Variants in TBC1D4 observed in about 807,000 individuals in gnomAD.
The protein encoded by TBC1D4 is TBC1 domain family member 4, also known as TBC (Tre-2, BUB2, CDC16) domain-containing protein.
TBC1D4 carries 121 observed loss-of-function variants against 142.5 expected under a neutral mutation model. The observed-to-expected ratio is 0.85, with a 90% CI of 0.73 to 0.99. TBC1D4 has a LOEUF of 0.99. TBC1D4 is among the 50% of genes least tolerant of loss of function. The pLI is 0.00. For synonymous variants in TBC1D4, 630 were observed against 628.2 expected (o/e 1.00, Z -0.04); for missense variants, 1,475 against 1,606.6 (o/e 0.92, Z 1.40).
intron 9 of TBC1D4, among the ~76,000 whole-genome samples, chr13:75,327,508 A>G (rs936208923): frequency 1.3e-5 from 2 of 152,228 alleles, no homozygotes; most frequent in Admixed American, 1.3e-4. Flanking sequence ...TTGCTCAAAT[A>G]CTGTTGTCCA....
rs1883718060 is a variant in TBC1D4 at position 75,379,885 on chromosome 13, C to CTTTTTTTTTTTTTTTTTTTTTTTTTTTTT, written c.499-17279_499-17278insAAAAAAAAAAAAAAAAAAAAAAAAAAAAA. 6.1e-5 allele frequency among the ~76,000 whole-genome samples: 6 copies of CTTTTTTTTTTTTTTTTTTTTTTTTTTTTT among 98,536 alleles called. 3 individuals are homozygous for CTTTTTTTTTTTTTTTTTTTTTTTTTTTTT. The highest frequency in any genetic ancestry group is 7.2e-5 in the African/African-American group (2 of 27,814). The allele number at this position is 98,536 out of a possible 152,430, so 64.6% of individuals were successfully genotyped here. On this transcript the variant is annotated intron_variant, in intron 1 of 20. Coordinates refer to ENST00000377636, the MANE Select transcript of TBC1D4 (RefSeq NM_014832.5). Reference sequence around the variant, plus strand: ...AAGTATATCAGTTTTGTTCATCTGACTCTTTTTTTTTTTTTTTTTTTTTTT... The same window carrying CTTTTTTTTTTTTTTTTTTTTTTTTTTTTT: ...AAGTATATCAGTTTTGTTCATCTGACTTTTTTTTTTTTTTTTTTTTTTTTTTTTTTCTTTTTTTTTTTTTTTTTTTTTTT...
At chr13:75,312,685 A>T (rs1877894837) in intron 13 of TBC1D4, 53 bp downstream of exon 13, 1 of 1,609,536 alleles carries the variant, frequency 6.2e-7, no homozygotes, top group African/African-American at 1.3e-5. Flanking sequence ...GCATTCCATT[A>T]GCTAATTTCT....
chr13:75,341,094 A>C (rs569258192), intron 7 of TBC1D4, 31 bp downstream of exon 7: 2 of 1,580,050 alleles, frequency 1.3e-6, no homozygotes, highest in Admixed American at 1.7e-5. Flanking sequence ...AACAACAACA[A>C]AAGTAGGTGA....
Position 75,481,614 on chromosome 13 carries a change from G to C in TBC1D4, c.154C>G (p.Leu52Val), listed in dbSNP as rs1352703515. The C allele has an allele frequency of 7.5e-6, 12 of 1,608,634 alleles. No individual in the cohort carries two copies. Among genetic ancestry groups the C allele is most frequent in the Non-Finnish European group, 1.0e-5 (12 of 1,177,940 alleles). Residue 52 changes from leucine (L) to valine (V), a missense_variant, in exon 1 of 21, where the codon CTG (leucine) becomes GTG (valine). Physicochemically the swap from Leu to Val is conservative, Grantham distance 32. Transcript: ENST00000377636. The stretch of plus-strand genomic sequence containing the variant: ...GCCATGAGCCAGGGCAGCATAGGCA[G>C]CGTGGTCCTGTGGTCCAGGCACGAC... Reference protein sequence around the residue: ...GGSCLDHRTTLPMLPWLMAEI... With the variant: ...GGSCLDHRTTVPMLPWLMAEI...
At chr13:75,467,965 TC>T (rs1405224924) in intron 1 of TBC1D4, among the ~76,000 whole-genome samples, 1 of 152,232 alleles carries the variant, frequency 6.6e-6, no homozygotes, top group Non-Finnish European at 1.5e-5. Context: ...CAGTTTTTTT[TC>T]TTACTCTTCT....
chr13:75,383,152 T>C (rs888239459), intron 1 of TBC1D4, among the ~76,000 whole-genome samples: 6 of 152,108 alleles, frequency 3.9e-5, no homozygotes, highest in Admixed American at 2.6e-4. Flanking sequence ...TGAAATCCCA[T>C]CTCTACCAAA....
chr13:75,348,113 C>T (rs1278567821), intron 5 of TBC1D4, among the ~76,000 whole-genome samples: 1 of 152,004 alleles, frequency 6.6e-6, no homozygotes, highest in Non-Finnish European at 1.5e-5. Flanking sequence ...TGAAATCCAG[C>T]CTGGGCAACA....
At chr13:75,466,580 A>G (rs537134407) in intron 1 of TBC1D4, among the ~76,000 whole-genome samples, 158 of 152,308 alleles carry the variant, frequency 1.0e-3, no homozygotes, top group Middle Eastern at 3.4e-3. Flanking sequence ...TTTTAAAAAT[A>G]TATCATCTGA....
chr13:75,378,405 C>G (rs1339132298), intron 1 of TBC1D4, among the ~76,000 whole-genome samples: 1 of 151,962 alleles, frequency 6.6e-6, no homozygotes, highest in East Asian at 1.9e-4. Context: ...AAACAAAGAT[C>G]ACTGAACTAA....
chr13:75,330,479 T>A (rs1321318441), intron 8 of TBC1D4, among the ~76,000 whole-genome samples: 1 of 152,244 alleles, frequency 6.6e-6, no homozygotes, highest in Non-Finnish European at 1.5e-5. Flanking sequence ...TACACTGCAT[T>A]AGCTCACTTA....
intron 1 of TBC1D4, among the ~76,000 whole-genome samples, chr13:75,377,767 C>A (rs1032210415): frequency 1.3e-5 from 2 of 149,032 alleles, no homozygotes; most frequent in African/African-American, 4.9e-5. Flanking sequence ...TCTATCTATC[C>A]ATTTATCTAT....
intron 1 of TBC1D4, among the ~76,000 whole-genome samples, chr13:75,461,966 CCT>C: frequency 6.6e-6 from 1 of 152,294 alleles, no homozygotes. Context: ...ATCACTTAAA[CCT>C]CTTATTCCCA....
intron 19 of TBC1D4, among the ~76,000 whole-genome samples, chr13:75,290,004 A>AGG (rs1270392050): frequency 6.6e-6 from 1 of 152,208 alleles, no homozygotes; most frequent in African/African-American, 2.4e-5. Context: ...TCAAATAACC[A>AGG]TCATCTTTTC....
intron 14 of TBC1D4, among the ~76,000 whole-genome samples, chr13:75,308,192 T>G (rs1377431754): frequency 6.6e-6 from 1 of 152,258 alleles, no homozygotes; most frequent in Non-Finnish European, 1.5e-5. Flanking sequence ...ATCTTTGTTA[T>G]GTAGGCAGAG....
chr13:75,423,691 T>C (rs1323938997), intron 1 of TBC1D4, among the ~76,000 whole-genome samples: 1 of 152,248 alleles, frequency 6.6e-6, no homozygotes, highest in East Asian at 1.9e-4. Flanking sequence ...AGAGTAACTC[T>C]GCAGCTACTT....
intron 1 of TBC1D4, among the ~76,000 whole-genome samples, chr13:75,448,294 T>C (rs1229290086): frequency 1.3e-5 from 2 of 152,078 alleles, no homozygotes; most frequent in Non-Finnish European, 2.9e-5. Context: ...TATGTGAAAA[T>C]TTGTTTCCCA....
At chr13:75,316,010 T>C (rs1206424446) in intron 12 of TBC1D4, among the ~76,000 whole-genome samples, 2 of 152,240 alleles carry the variant, frequency 1.3e-5, no homozygotes, top group African/African-American at 4.8e-5. Context: ...AAAAGCACTA[T>C]GTCAATGCTC....
At chr13:75,349,066 T>A in intron 5 of TBC1D4, 104 bp downstream of exon 5, 1 of 1,578,374 alleles carries the variant, frequency 6.3e-7, no homozygotes, top group Non-Finnish European at 8.6e-7. Flanking sequence ...TTTGGGTTCT[T>A]GTTTCACATC....
chr13:75,430,507 AC>A (rs1886553459), intron 1 of TBC1D4, among the ~76,000 whole-genome samples: 1 of 152,232 alleles, frequency 6.6e-6, no homozygotes, highest in Non-Finnish European at 1.5e-5. Flanking sequence ...CCAAAGGGTC[AC>A]ACTACCGGAA....
Sources: allele counts gnomAD v4.1 joint callset (sites outside exome capture counted in the v4.1 genomes callset), GRCh38; gene constraint gnomAD v4.1.1; transcripts MANE v1.5; gene names NCBI Gene and HGNC (gene_info 2026-07-23, HGNC 2026-07-21).